Variants in TRIO observed in about 807,000 individuals in gnomAD.
TRIO encodes the protein trio Rho guanine nucleotide exchange factor.
In TRIO, 58 loss-of-function variants were observed where a neutral mutation model predicts 351.9. The observed-to-expected ratio is 0.16, with a 90% CI of 0.13 to 0.21. The LOEUF (loss-of-function observed/expected upper bound fraction) is 0.21. Among genes scored for constraint, TRIO ranks in the 10% least tolerant of loss-of-function variants. The probability of loss-of-function intolerance (pLI) is 1.00; values close to 1 mark genes in which losing one functional copy is unlikely to be tolerated. For synonymous variants in TRIO, 1,758 were observed against 1,595.7 expected (o/e 1.10, Z -2.42); for missense variants, 3,201 against 4,027.8 (o/e 0.79, Z 5.56).
chr5:14,440,809 G>A (rs981405442), intron 34 of TRIO: 1 of 152,176 alleles, frequency 6.6e-6, no homozygotes, highest in Admixed American at 6.5e-5. Flanking sequence ...CATTCAGAAC[G>A]GCCTGCGTGG....
chr5:14,155,860 CCT>C (rs1237821445), intron 1 of TRIO, among the ~76,000 whole-genome samples: 1 of 151,904 alleles, frequency 6.6e-6, no homozygotes, highest in Admixed American at 6.6e-5. Flanking sequence ...TGAGGCTGTT[CCT>C]CTCCCTTCTT....
At chr5:14,374,897 A>G (rs1297509248) in intron 19 of TRIO, among the ~76,000 whole-genome samples, 1 of 152,144 alleles carries the variant, frequency 6.6e-6, no homozygotes, top group Non-Finnish European at 1.5e-5. Flanking sequence ...AACGTATACT[A>G]AATTGTAATA....
At chr5:14,376,318 C>G (rs555515475) in intron 19 of TRIO, among the ~76,000 whole-genome samples, 1 of 152,136 alleles carries the variant, frequency 6.6e-6, no homozygotes, top group Non-Finnish European at 1.5e-5. Flanking sequence ...TCATAAACTT[C>G]TAGAGCAAAA....
chr5:14,489,977 G>T (rs1222071707), intron 48 of TRIO, among the ~76,000 whole-genome samples: 4 of 152,162 alleles, frequency 2.6e-5, no homozygotes, highest in Non-Finnish European at 5.9e-5. Context: ...TCCAAAATGG[G>T]GCTTTAAAAA....
At chr5:14,495,407 T>C (rs532519524) in intron 49 of TRIO, among the ~76,000 whole-genome samples, 1 of 152,292 alleles carries the variant, frequency 6.6e-6, no homozygotes, top group East Asian at 1.9e-4. Flanking sequence ...TTGAAAGGAT[T>C]GATTCCAATT....
chr5:14,359,101 A>G (rs1349218417), intron 12 of TRIO, among the ~76,000 whole-genome samples: 2 of 152,248 alleles, frequency 1.3e-5, no homozygotes, highest in East Asian at 1.9e-4. Flanking sequence ...GTAATTTTCT[A>G]TAATTATTAG....
At chr5:14,229,809 A>G (rs1038181818) in intron 1 of TRIO, among the ~76,000 whole-genome samples, 2 of 152,242 alleles carry the variant, frequency 1.3e-5, no homozygotes, top group Non-Finnish European at 2.9e-5. Flanking sequence ...TCATTTATAA[A>G]TACTTATTTA....
chr5:14,222,591 C>T (rs1792713191), intron 1 of TRIO, among the ~76,000 whole-genome samples: 1 of 152,202 alleles, frequency 6.6e-6, no homozygotes, highest in Non-Finnish European at 1.5e-5. Flanking sequence ...TAAAATGCAG[C>T]CCCTTCCAGA....
chr5:14,387,299 T>A, intron 21 of TRIO, 139 bp from the exon 22 acceptor site: 1 of 757,708 alleles, frequency 1.3e-6, no homozygotes, highest in Non-Finnish European at 2.1e-6. Flanking sequence ...TGGGTGGACC[T>A]GGGGCTTTGG....
At chr5:14,217,074 T>A (rs1792271301) in intron 1 of TRIO, among the ~76,000 whole-genome samples, 2 of 152,164 alleles carry the variant, frequency 1.3e-5, no homozygotes, top group Admixed American at 6.5e-5. Context: ...GCATTCCTCC[T>A]CCAGCACGAT....
intron 8 of TRIO, among the ~76,000 whole-genome samples, chr5:14,313,119 A>G (rs1739069846): frequency 6.6e-6 from 1 of 152,238 alleles, no homozygotes; most frequent in South Asian, 2.1e-4. Flanking sequence ...CTGGTTTTAA[A>G]GTGGGTCCAA....
At chr5:14,444,080 C>CTTTTTTTTTTTTTTTTTTTTTT (rs34641629) in intron 34 of TRIO, among the ~76,000 whole-genome samples, 1 of 145,060 alleles carries the variant, frequency 6.9e-6, no homozygotes. Flanking sequence ...CTCTTGAAGT[C>CTTTTTTTTTTTTTTTTTTTTTT]TTTTTTTTTT....
intron 31 of TRIO, among the ~76,000 whole-genome samples, chr5:14,403,863 AGGT>A (rs1225047880): frequency 1.7e-5 from 1 of 59,710 alleles, no homozygotes; most frequent in African/African-American, 1.0e-4. Flanking sequence ...GTGAGGGTGC[AGGT>A]GGTGGTGAGG....
At chr5:14,268,273 G>T (rs1795800944) in intron 1 of TRIO, among the ~76,000 whole-genome samples, 8 of 152,226 alleles carry the variant, frequency 5.3e-5, no homozygotes, top group Admixed American at 5.2e-4. Context: ...GAGATGGCCT[G>T]GAATATGACA....
intron 31 of TRIO, among the ~76,000 whole-genome samples, chr5:14,403,631 G>A (rs1579554037): frequency 7.6e-6 from 1 of 131,368 alleles, no homozygotes; most frequent in Non-Finnish European, 1.6e-5. Flanking sequence ...GTAGGTTGTG[G>A]TGGTGAGGGT....
At chr5:14,175,536 C>G (rs948742020) in intron 1 of TRIO, among the ~76,000 whole-genome samples, 24 of 152,204 alleles carry the variant, frequency 1.6e-4, no homozygotes, top group African/African-American at 5.8e-4. Context: ...TGTCTAGATA[C>G]AAAACTAGAT....
At chr5:14,499,667 G>C (rs1268715608) in intron 53 of TRIO, among the ~76,000 whole-genome samples, 2 of 151,376 alleles carry the variant, frequency 1.3e-5, no homozygotes, top group Admixed American at 6.6e-5. Context: ...AACAATAAAA[G>C]GTAAAGATTT....
intron 37 of TRIO, among the ~76,000 whole-genome samples, chr5:14,469,593 A>AGACAGCCTTAGGCTGGT (rs1181367944): frequency 6.6e-6 from 1 of 152,270 alleles, no homozygotes; most frequent in East Asian, 1.9e-4. Flanking sequence ...TGCAGTTTTG[A>AGACAGCCTTAGGCTGGT]GACAGCCTTA....
chr5:14,189,334 ATATT>A (rs1177017921), intron 1 of TRIO, among the ~76,000 whole-genome samples: 1 of 152,186 alleles, frequency 6.6e-6, no homozygotes, highest in Non-Finnish European at 1.5e-5. Context: ...CTTGAATGCT[ATATT>A]TATTATCAAA....
Sources: allele counts gnomAD v4.1 joint callset (sites outside exome capture counted in the v4.1 genomes callset), GRCh38; gene constraint gnomAD v4.1.1; transcripts MANE v1.5; gene names NCBI Gene and HGNC (gene_info 2026-07-23, HGNC 2026-07-21).